The following MAST3 variants were observed in gnomAD, a reference collection of about 807,000 sequenced individuals.
MAST3 encodes the protein microtubule associated serine/threonine kinase 3.
A neutral mutation model predicts 127.0 loss-of-function variants in MAST3; 43 were observed. The ratio of observed to expected loss-of-function variants is 0.34; its 90% CI spans 0.27 to 0.44. MAST3 has a LOEUF of 0.44. Among genes scored for constraint, MAST3 ranks in the 20% least tolerant of loss-of-function variants. The probability of loss-of-function intolerance (pLI) is 1.00; values close to 1 mark genes in which losing one functional copy is unlikely to be tolerated. For missense variants in MAST3, 1,390 were observed against 1,919.1 expected (o/e 0.72, Z 5.15); for synonymous variants, 785 against 809.2 (o/e 0.97, Z 0.51).
intron 3 of MAST3, among the ~76,000 whole-genome samples, chr19:18,120,037 T>C (rs978938082): frequency 6.6e-6 from 1 of 152,044 alleles, no homozygotes; most frequent in Non-Finnish European, 1.5e-5. Context: ...GCTCCCAACT[T>C]CCTTCTGTCA....
chr19:18,128,448 A>T lies in MAST3; in HGVS notation c.1127A>T (p.Glu376Val). 1 of 1,555,982 alleles carries T rather than the reference A, an allele frequency of 6.4e-7. No individual in the cohort carries two copies. Among genetic ancestry groups the T allele is most frequent in the Non-Finnish European group, 8.7e-7 (1 of 1,149,612 alleles). The change falls in exon 12 of 28, where the codon GAG becomes GTG. Residue 376 changes from glutamate to valine, a missense_variant. This residue lies in a region of MAST3 where 277 missense variants were observed against 384.8 expected (regional missense o/e 0.72). Transcript: ENST00000687212. ...HLEEEQPPAP[E>V]SPESRALVGQ... ...GAAGAAGAACAGCCCCCAGCACCTG[A>T]GTCCCCAGAGGTGAGTAGCAGAGGC...
Position 18,141,904 on chromosome 19 carries a change from T to C in MAST3, c.2228T>C (p.Leu743Pro). 1 of 1,503,434 alleles carries C rather than the reference T, an allele frequency of 6.7e-7. No individual in the cohort carries two copies. The highest frequency in any genetic ancestry group is 2.6e-5 in the East Asian group (1 of 38,314). The allele number at this position is 1,503,434 out of a possible 1,614,324, so 93.1% of individuals were successfully genotyped here. A position where few individuals can be genotyped will look rare whatever the true frequency, so the allele number is the denominator to read the frequency against. Reference sequence around the variant, plus strand: ...CAGGTCTACAGCAGCTCTGAGTTCCTGGCCGTCCAGCCCACTCCTACCTTC... The same window carrying C: ...CAGGTCTACAGCAGCTCTGAGTTCCCGGCCGTCCAGCCCACTCCTACCTTC... The part of the protein sequence containing the change: ...FSKVYSSSEF[L>P]AVQPTPTFAE... Residue 743 changes from leucine to proline, a missense_variant, in exon 21 of 28, where the codon CTG (leucine) becomes CCG (proline). Leu to Pro is a moderately conservative substitution (Grantham distance 98). Transcript: ENST00000687212.
In MAST3 at chr19:18,145,545, G is replaced by A. The variant is rs552796940; in HGVS notation, c.3040-198G>A. 4.6e-5 allele frequency among the ~76,000 whole-genome samples: 7 copies of A among 152,334 alleles called. No homozygotes were observed. The highest frequency in any genetic ancestry group is 1.0e-4 in the Non-Finnish European group (7 of 68,026). On this transcript the variant is annotated intron_variant, in intron 24 of 27. Coordinates refer to ENST00000687212, the MANE Select transcript of MAST3 (RefSeq NM_001393504.1). This position sits in a 1 kb window ranked among gnomAD's most constrained non-coding sequence, Gnocchi z 5.9. Reference sequence around the variant, plus strand: ...CTCCCTATTGGTTGCTCCCTGAACAGACACAGAAGGCTTTCTGGAGAAGGG... The same window carrying A: ...CTCCCTATTGGTTGCTCCCTGAACAAACACAGAAGGCTTTCTGGAGAAGGG...
intron 3 of MAST3, among the ~76,000 whole-genome samples, chr19:18,111,311 A>G (rs959494611): frequency 2.6e-5 from 4 of 152,068 alleles, no homozygotes; most frequent in Non-Finnish European, 5.9e-5. Context: ...CATCAGGGAC[A>G]GCTTTGCTAC....
At chr19:18,138,589 C>G (rs1410038519) in intron 19 of MAST3, among the ~76,000 whole-genome samples, 1 of 152,180 alleles carries the variant, frequency 6.6e-6, no homozygotes, top group Non-Finnish European at 1.5e-5. Context: ...CCTCTGCCTC[C>G]CGGGTTCAAG....
At chr19:18,138,797 C>T (rs1260360097) in intron 19 of MAST3, among the ~76,000 whole-genome samples, 2 of 152,148 alleles carry the variant, frequency 1.3e-5, no homozygotes, top group Non-Finnish European at 2.9e-5. Flanking sequence ...CCGCACCCGG[C>T]CCCACAACTT....
intron 2 of MAST3, 147 bp downstream of exon 2, chr19:18,107,765 T>C: frequency 1.1e-6 from 1 of 898,104 alleles, no homozygotes. Context: ...TGCAAAGTGC[T>C]TCACAAGCAC....
At chr19:18,122,615 T>TC in intron 5 of MAST3, 58 bp from the exon 6 acceptor site, 1 of 1,441,156 alleles carries the variant, frequency 6.9e-7, no homozygotes, top group South Asian at 1.2e-5. Context: ...CTGTTCTTAG[T>TC]CCCCACAAAC....
At position 18,124,102 on chromosome 19, in the gene MAST3, G is replaced by C. The variant is rs377366405; in HGVS notation, c.797G>C (p.Arg266Pro). Reference protein sequence around the residue: ...AKSGENLVTSRYFLEMQEKLE... With the variant: ...AKSGENLVTSPYFLEMQEKLE... ...TCTGGCGAGAACCTCGTCACCTCCC[G>C]CTACTTCCTAGAGATGCAGGAGAAG... Residue 266 changes from arginine (R) to proline (P), a missense_variant, in exon 9 of 28, where the codon CGC becomes CCC. Physicochemically the swap from Arg to Pro is moderately radical, Grantham distance 103 (BLOSUM62 -2). Transcript: ENST00000687212. 2.5e-6 allele frequency: 4 copies of C among 1,611,510 alleles called. No homozygotes were observed. The highest frequency in any genetic ancestry group is 3.4e-6 in the Non-Finnish European group (4 of 1,178,934).
rs137951487 is a variant in MAST3 at position 18,130,638 on chromosome 19, G to A, written c.1368G>A (p.Val456=). Residue 456 remains valine (V), a synonymous_variant, in exon 14 of 28, where the codon GTG becomes GTA. Coordinates refer to ENST00000687212, the MANE Select transcript of MAST3 (RefSeq NM_001393504.1). ...TCACCTTTGCCGAGAACCCCTTTGTGGTCAGCATGTTCTGCTCCTTTGAGA... is the reference window on the plus strand; with the variant it reads ...TCACCTTTGCCGAGAACCCCTTTGTAGTCAGCATGTTCTGCTCCTTTGAGA... The part of the protein sequence containing the change: ...DILTFAENPF[V]VSMFCSFETR... The A allele has an allele frequency of 2.9e-4, 468 of 1,614,124 alleles. 3 individuals are homozygous for A. The African/African-American group carries it at 5.7e-3, about 19-fold the overall frequency.
At chr19:18,109,629 G>C (rs2038353150) in intron 2 of MAST3, among the ~76,000 whole-genome samples, 1 of 152,190 alleles carries the variant, frequency 6.6e-6, no homozygotes, top group Admixed American at 6.5e-5. Flanking sequence ...AGCTGGCGGC[G>C]CCTGGTGCTG....
chr19:18,119,585 A>G (rs2039708815), intron 3 of MAST3, among the ~76,000 whole-genome samples: 1 of 152,216 alleles, frequency 6.6e-6, no homozygotes, highest in Non-Finnish European at 1.5e-5. Flanking sequence ...TAATTCACTC[A>G]GGAGGCACTG....
chr19:18,147,735 AG>A (rs1213109685), intron 27 of MAST3, 111 bp downstream of exon 27: 2 of 793,494 alleles, frequency 2.5e-6, no homozygotes, highest in East Asian at 5.5e-5. Flanking sequence ...GTAGGGAAAA[AG>A]ATGACCGGGA....
intron 15 of MAST3, 35 bp from the exon 16 acceptor site, chr19:18,134,544 C>T: frequency 6.3e-7 from 1 of 1,582,632 alleles, no homozygotes; most frequent in Non-Finnish European, 8.6e-7. Flanking sequence ...CACCCCAGCC[C>T]CCCAGCTCTG....
In MAST3 at chr19:18,110,022, C is replaced by A; in HGVS notation, c.72-630C>A. The A allele has an allele frequency of 1.0e-6, 1 of 985,396 alleles. No homozygotes were observed. Among genetic ancestry groups the A allele is most frequent in the Non-Finnish European group, 1.2e-6 (1 of 829,936 alleles). 61.0% of individuals were successfully genotyped at this position (985,396 alleles called of 1,614,324 possible). A position where few individuals can be genotyped will look rare whatever the true frequency, so the allele number is the denominator to read the frequency against. On this transcript the variant is annotated intron_variant, in intron 2 of 27. Transcript: ENST00000687212. This position sits in a 1 kb window ranked among gnomAD's most constrained non-coding sequence, Gnocchi z 4.3. ...CGCAGCTCGGGGGCTCCCAAGCCGG[C>A]GGCCTCGGCGTCCCTGCGGCAGACA...
At position 18,103,538 on chromosome 19, in the gene MAST3, AAAAC is replaced by A. The variant is rs939809361; in HGVS notation, c.40-4033_40-4030del. Among the ~76,000 whole-genome samples, 8 of 152,182 alleles carry A rather than the reference AAAAC, an allele frequency of 5.3e-5. No homozygotes were observed. The East Asian group carries it at 9.7e-4, about 18-fold the overall frequency. ...GGGCGACAGAGCAAGTCTCCATCTG[AAAAC>A]AAACAAACAAACAAAATATTCACAT... On this transcript the variant is annotated intron_variant, in intron 1 of 27. Transcript: ENST00000687212.
chr19:18,143,292 G>A (rs987495429), intron 21 of MAST3, among the ~76,000 whole-genome samples: 1 of 151,500 alleles, frequency 6.6e-6, no homozygotes, highest in Admixed American at 6.6e-5. Flanking sequence ...AGTTGAATAG[G>A]AAGCCGGGTG....
At position 18,147,016 on chromosome 19, in the gene MAST3, C is replaced by A; in HGVS notation, c.3298C>A (p.Arg1100=). Residue 1100 remains arginine (R), a synonymous_variant, in exon 26 of 28, where the codon CGG becomes AGG. Transcript: ENST00000687212. ...KRSRRRETQD[R]CAAVTTRERR... is the part of the protein sequence containing the mutation. ...GAGCCGTCGGCGGGAGACCCAGGAT[C>A]GGTGCGCGGCAGTGACCACCAGGGA... 1 of 1,570,988 alleles carries A rather than the reference C, an allele frequency of 6.4e-7. No individual in the cohort carries two copies.
In MAST3 at chr19:18,144,951, C is replaced by G; in HGVS notation, c.2813-52C>G. 9.3e-7 allele frequency: 1 copy of G among 1,070,788 alleles called. No homozygotes were observed. Among genetic ancestry groups the G allele is most frequent in the Non-Finnish European group, 1.4e-6 (1 of 712,546 alleles). The allele number at this position is 1,070,788 out of a possible 1,614,324, so 66.3% of individuals were successfully genotyped here. On this transcript the variant is annotated intron_variant, in intron 23 of 27. Coordinates refer to ENST00000687212, the MANE Select transcript of MAST3 (RefSeq NM_001393504.1). The surrounding 1 kb of genome is among the most constrained non-coding windows in gnomAD (Gnocchi z 4.0). ...GTCGTTGTGGTGGGAAAGAGGGGGCCCCAGGGGAGACCTGTGAGGGAGTGA... is the reference window on the plus strand; with the variant it reads ...GTCGTTGTGGTGGGAAAGAGGGGGCGCCAGGGGAGACCTGTGAGGGAGTGA...
Sources: allele counts gnomAD v4.1 joint callset (sites outside exome capture counted in the v4.1 genomes callset), GRCh38; gene constraint gnomAD v4.1.1; regional missense constraint gnomAD v4.1.1; non-coding constraint Gnocchi (gnomAD v3.1); transcripts MANE v1.5; gene names NCBI Gene and HGNC (gene_info 2026-07-23, HGNC 2026-07-21).